Variants in LAMA1 observed in about 807,000 individuals in gnomAD.
The protein encoded by LAMA1 is laminin subunit alpha 1.
Under a neutral mutation model 348.7 loss-of-function variants are expected in LAMA1, and 219 were observed. The observed-to-expected ratio is 0.63, with a 90% CI of 0.56 to 0.70. The LOEUF is 0.70. Ranked by LOEUF, LAMA1 falls within the 30% of genes least tolerant of loss-of-function variation. LAMA1 has a pLI of 0.00. For missense variants in LAMA1, 3,744 were observed against 3,888.0 expected, an observed-to-expected ratio of 0.96 and a Z score of 0.99; for synonymous variants, 1,487 against 1,491.0, an observed-to-expected ratio of 1.00 and a Z score of 0.06.
At chr18:7,008,914 A>C (rs2144110898) in intron 27 of LAMA1, among the ~76,000 whole-genome samples, 1 of 152,344 alleles carries the variant, frequency 6.6e-6, no homozygotes, top group South Asian at 2.1e-4. Context: ...AGTAGGTGAC[A>C]GCATTCTTTA....
At chr18:7,076,956 G>C (rs1162524431) in intron 3 of LAMA1, 2 of 151,996 alleles carry the variant, frequency 1.3e-5, no homozygotes, top group Non-Finnish European at 2.9e-5. Context: ...ATATGCAAAA[G>C]TGTTTGTAAT....
At chr18:7,001,930 T>G (rs543304750) in intron 30 of LAMA1, among the ~76,000 whole-genome samples, 2 of 152,362 alleles carry the variant, frequency 1.3e-5, no homozygotes, top group South Asian at 4.1e-4. Context: ...AATTGGGTTC[T>G]TTTGTATCAT....
At chr18:7,031,430 C>T (rs914232092) in intron 16 of LAMA1, among the ~76,000 whole-genome samples, 2 of 152,068 alleles carry the variant, frequency 1.3e-5, no homozygotes, top group African/African-American at 4.8e-5. Flanking sequence ...GAAAGAAGTA[C>T]CTGTTTGATT....
At chr18:7,078,661 A>C (rs1301981929) in intron 3 of LAMA1, among the ~76,000 whole-genome samples, 1 of 152,160 alleles carries the variant, frequency 6.6e-6, no homozygotes, top group Non-Finnish European at 1.5e-5. Context: ...TTCCTTGTAC[A>C]TCAATATATG....
chr18:6,980,456 T>A, intron 42 of LAMA1, 65 bp downstream of exon 42: 1 of 1,107,966 alleles, frequency 9.0e-7, no homozygotes, highest in South Asian at 1.2e-5. Flanking sequence ...GACTTCCTTA[T>A]GTTCCTGAGT....
intron 32 of LAMA1, among the ~76,000 whole-genome samples, chr18:6,998,388 G>C (rs1467259598): frequency 6.6e-6 from 1 of 152,178 alleles, no homozygotes; most frequent in Non-Finnish European, 1.5e-5. Context: ...GACAGGCAGG[G>C]AGTTATGGCA....
At chr18:7,015,271 T>A (rs1410244707) in intron 22 of LAMA1, among the ~76,000 whole-genome samples, 2 of 152,094 alleles carry the variant, frequency 1.3e-5, no homozygotes, top group African/African-American at 4.8e-5. Flanking sequence ...GGTGTATTGT[T>A]TTTGTTTTTG....
rs751673616 is a variant in LAMA1 at position 6,965,398 on chromosome 18, C to T, written c.7085G>A (p.Arg2362Lys). The change falls in exon 50 of 63, where the codon AGA (arginine) becomes AAA (lysine). Residue 2362 changes from arginine (R) to lysine (K), a missense_variant. By Grantham distance (26) the Arg-to-Lys change is conservative (BLOSUM62 2). Around this residue, in one of 3 missense-constraint regions of LAMA1, gnomAD observed 1,983 missense variants for 1,934.3 expected, o/e 1.03. Transcript: ENST00000389658. The stretch of plus-strand genomic sequence containing the variant: ...ACCCAGGTCAGTCATAACCTTCACT[C>T]TGCCACGAAACAGCTCGATGGATAA... ...DFLSIELFRGRVKVMTDLGSG... is the reference protein window; with the variant it reads ...DFLSIELFRGKVKVMTDLGSG... 3.7e-6 allele frequency: 6 copies of T among 1,614,052 alleles called. No homozygotes were observed. The highest frequency in any genetic ancestry group is 2.2e-5 in the East Asian group (1 of 44,886).
chr18:6,995,718 TA>T, intron 33 of LAMA1, among the ~76,000 whole-genome samples: 1 of 152,296 alleles, frequency 6.6e-6, no homozygotes, highest in Admixed American at 6.5e-5. Flanking sequence ...AATTCTCAGA[TA>T]AAAGTCTGGC....
At chr18:6,985,860 G>A in intron 37 of LAMA1, among the ~76,000 whole-genome samples, 1 of 152,188 alleles carries the variant, frequency 6.6e-6, no homozygotes, top group Admixed American at 6.5e-5. Context: ...CCAAGTTCAA[G>A]CGATTCTGCT....
intron 3 of LAMA1, among the ~76,000 whole-genome samples, chr18:7,064,110 T>C (rs1226331867): frequency 6.6e-6 from 1 of 152,080 alleles, no homozygotes; most frequent in Non-Finnish European, 1.5e-5. Context: ...CAAGCCCCCA[T>C]TCCCTCCCTA....
In LAMA1 at chr18:7,084,473, T is replaced by A. The variant is rs1254341053; in HGVS notation, c.62-4016A>T. 2.0e-5 allele frequency among the ~76,000 whole-genome samples: 3 copies of A among 152,184 alleles called. No homozygotes were observed. In the East Asian group the frequency reaches 5.8e-4, roughly 29 times the overall value. ...AGGACTTAATAAATTAGTCTGCATG[T>A]TTTTTGTTGAGAAATGTTATTCACT... On this transcript the variant is annotated intron_variant, in intron 1 of 62. Coordinates refer to ENST00000389658, the MANE Select transcript of LAMA1 (RefSeq NM_005559.4).
chr18:6,973,708 C>T (rs895579229), intron 46 of LAMA1, among the ~76,000 whole-genome samples: 2 of 152,192 alleles, frequency 1.3e-5, no homozygotes, highest in East Asian at 1.9e-4. Flanking sequence ...CATGCCACAC[C>T]TTACACCTCT....
chr18:7,107,875 C>A (rs1051333609), intron 1 of LAMA1, among the ~76,000 whole-genome samples: 1 of 151,394 alleles, frequency 6.6e-6, no homozygotes, highest in African/African-American at 2.4e-5. Flanking sequence ...TTAGCCGGGC[C>A]TGGTGGCGGG....
chr18:7,108,640 C>CAAAAAAAAAAAAAAAA lies in LAMA1; in HGVS notation c.61+9004_61+9019dup, dbSNP rs58802341. Among the ~76,000 whole-genome samples the CAAAAAAAAAAAAAAAA allele has an allele frequency of 5.0e-4, 20 of 40,234 alleles. 2 individuals carry two copies. Among genetic ancestry groups the CAAAAAAAAAAAAAAAA allele is most frequent in the East Asian group, 1.5e-3 (1 of 668 alleles). 26.4% of individuals were successfully genotyped at this position (40,234 alleles called of 152,430 possible). A position where few individuals can be genotyped will look rare whatever the true frequency, so the allele number is the denominator to read the frequency against. On this transcript the variant is annotated intron_variant, in intron 1 of 62. Coordinates refer to ENST00000389658, the MANE Select transcript of LAMA1 (RefSeq NM_005559.4). ...CACTGCACTGAGACAGACTCTGTCT[C>CAAAAAAAAAAAAAAAA]AAAAAAAAAAAAAAAAAAAAAAAAA...
intron 3 of LAMA1, among the ~76,000 whole-genome samples, chr18:7,068,594 C>T (rs1399862708): frequency 2.6e-5 from 4 of 152,106 alleles, no homozygotes; most frequent in African/African-American, 9.7e-5. Flanking sequence ...TAAAAACTTT[C>T]TGCTATTATC....
Position 7,049,142 on chromosome 18 carries a change from T to C in LAMA1, c.704A>G (p.Asn235Ser), listed in dbSNP as rs149410548. ...GTGGCTAAGGGTCATGAGATCTGCA[T>C]TGAGCGTTCTAATGCGTTGCAAGCG... ...RLRLQRIRTLNADLMTLSHRE... is the reference protein window; with the variant it reads ...RLRLQRIRTLSADLMTLSHRE... The change falls in exon 5 of 63, where the codon AAT (asparagine) becomes AGT (serine). Residue 235 changes from asparagine to serine, a missense_variant. Asn to Ser is a conservative substitution (Grantham distance 46, BLOSUM62 1). Coordinates refer to ENST00000389658, the MANE Select transcript of LAMA1 (RefSeq NM_005559.4). The C allele has an allele frequency of 1.8e-5, 29 of 1,614,006 alleles. No individual in the cohort carries two copies. Among genetic ancestry groups the C allele is most frequent in the Admixed American group, 8.3e-5 (5 of 60,002 alleles).
chr18:6,986,197 T>C lies in LAMA1; in HGVS notation c.5319A>G (p.Ala1773=). The C allele has an allele frequency of 6.2e-7, 1 of 1,614,244 alleles. No individual in the cohort carries two copies. The highest frequency in any genetic ancestry group is 8.5e-7 in the Non-Finnish European group (1 of 1,180,050). Residue 1773 remains alanine, a synonymous_variant, in exon 37 of 63, where the codon GCA becomes GCG. Transcript: ENST00000389658. ...GCAGGTGGTTGCTTTCCTGCATCTTTGCCTCAGCTTCCCTCACGAGCGCCT... is the reference window on the plus strand; with the variant it reads ...GCAGGTGGTTGCTTTCCTGCATCTTCGCCTCAGCTTCCCTCACGAGCGCCT... ...AAEALVREAE[A]KMQESNHLLL...
intron 14 of LAMA1, among the ~76,000 whole-genome samples, chr18:7,033,786 G>C (rs1366391741): frequency 6.6e-6 from 1 of 151,850 alleles, no homozygotes; most frequent in Non-Finnish European, 1.5e-5. Context: ...CCCAGCTGGA[G>C]TGCAGTGCCT....
Sources: gnomAD v4.1 joint callset for allele counts (sites outside exome capture counted in the v4.1 genomes callset) on GRCh38, gnomAD v4.1.1 for gene constraint, gnomAD v4.1.1 regional missense constraint, MANE v1.5 for transcripts, NCBI Gene and HGNC (gene_info 2026-07-23, HGNC 2026-07-21) for gene names.